The following PGPEP1L variants were observed in gnomAD, a reference collection of about 807,000 sequenced individuals.
PGPEP1L encodes pyroglutamyl-peptidase 1-like protein.
In PGPEP1L, 7 loss-of-function variants were observed where a neutral mutation model predicts 6.0. The ratio of observed to expected loss-of-function variants is 1.17; its 90% confidence interval spans 0.66 to 2.19. The LOEUF (loss-of-function observed/expected upper bound fraction) is 2.19, where lower values mean the gene tolerates loss of function less well. Ranked by LOEUF, PGPEP1L falls within the 30% of genes most tolerant of loss-of-function variation. PGPEP1L has a pLI of 0.00. For missense variants in PGPEP1L, 209 were observed against 192.5 expected (o/e 1.09, Z -0.51); for synonymous variants, 103 against 83.9 (o/e 1.23, Z -1.24).
intron 1 of PGPEP1L, among the ~76,000 whole-genome samples, 196 bp downstream of exon 1, chr15:99,007,163 G>T (rs1206784842): frequency 6.6e-6 from 1 of 152,200 alleles, no homozygotes; most frequent in East Asian, 1.9e-4. Context: ...GGTGGGAAGC[G>T]CCATTTGCTC....
At chr15:98,985,735 C>A (rs2017738113) in intron 2 of PGPEP1L, among the ~76,000 whole-genome samples, 1 of 152,222 alleles carries the variant, frequency 6.6e-6, no homozygotes, top group African/African-American at 2.4e-5. Flanking sequence ...AGATGTGCAA[C>A]CTCTCTGAGC....
At chr15:98,977,848 C>T (rs759233276) in intron 2 of PGPEP1L, among the ~76,000 whole-genome samples, 6 of 152,226 alleles carry the variant, frequency 3.9e-5, no homozygotes, top group Non-Finnish European at 8.8e-5. Context: ...TTTACAAGCA[C>T]TGTTATTAGG....
Position 98,969,429 on chromosome 15 carries a change from C to T in PGPEP1L, c.205G>A (p.Gly69Ser). Residue 69 changes from glycine to serine, a missense_variant, in exon 4 of 5, where the codon GGC becomes AGC. Coordinates refer to ENST00000535714, the MANE Select transcript of PGPEP1L (RefSeq NM_001167902.2). ...GVDVIFSRDAGRYVCDYTYYL... is the reference protein window; with the variant it reads ...GVDVIFSRDASRYVCDYTYYL... ...CCTGACACCCACAGAGCATACCTGC[C>T]TGCATCTCGGGAAAAGATCACGTCG... The T allele has an allele frequency of 6.2e-7, 1 of 1,614,000 alleles. No individual in the cohort carries two copies. The highest frequency in any genetic ancestry group is 8.5e-7 in the Non-Finnish European group (1 of 1,179,906).
intron 2 of PGPEP1L, among the ~76,000 whole-genome samples, chr15:98,981,773 T>C (rs2017667328): frequency 6.6e-6 from 1 of 152,178 alleles, no homozygotes; most frequent in South Asian, 2.1e-4. Flanking sequence ...GAGGAATATA[T>C]ATTCTGTGCT....
intron 2 of PGPEP1L, among the ~76,000 whole-genome samples, chr15:99,002,065 G>A (rs534431408): frequency 2.0e-5 from 3 of 152,254 alleles, no homozygotes; most frequent in African/African-American, 7.2e-5. Flanking sequence ...AGGCTGGAGT[G>A]TAGTACCACG....
intron 2 of PGPEP1L, among the ~76,000 whole-genome samples, chr15:98,977,611 G>C (rs901948558): frequency 6.6e-6 from 1 of 152,204 alleles, no homozygotes; most frequent in Non-Finnish European, 1.5e-5. Flanking sequence ...TATAGTCTCT[G>C]TCTTGGCAAA....
At chr15:98,989,776 G>A (rs149558467) in intron 2 of PGPEP1L, among the ~76,000 whole-genome samples, 2 of 152,266 alleles carry the variant, frequency 1.3e-5, no homozygotes, top group South Asian at 2.1e-4. Flanking sequence ...GACTAATAGC[G>A]AATCTCTCAG....
chr15:99,005,363 G>A (rs1555473486), intron 2 of PGPEP1L, 66 bp downstream of exon 2: 2 of 152,560 alleles, frequency 1.3e-5, no homozygotes, highest in Non-Finnish European at 1.5e-5. Context: ...GATCAGGCCA[G>A]TGCGCATTCC....
At chr15:98,999,907 G>T (rs114811051) in intron 2 of PGPEP1L, among the ~76,000 whole-genome samples, 19 of 152,356 alleles carry the variant, frequency 1.2e-4, no homozygotes, top group Admixed American at 3.3e-4. Context: ...CAGCCCTTGC[G>T]CACTCTCAGC....
chr15:99,001,697 T>TAC (rs2017972908), intron 2 of PGPEP1L, among the ~76,000 whole-genome samples: 1 of 19,600 alleles, frequency 5.1e-5, no homozygotes, highest in Non-Finnish European at 1.3e-4. Flanking sequence ...TGATTTCATT[T>TAC]ATATATTTGT....
intron 2 of PGPEP1L, among the ~76,000 whole-genome samples, chr15:98,972,674 C>T (rs368980314): frequency 1.1e-4 from 17 of 151,856 alleles, no homozygotes; most frequent in African/African-American, 3.6e-4. Flanking sequence ...CAAGACCATC[C>T]TGGCTAACAC....
At chr15:98,979,816 A>G (rs6598559) in intron 2 of PGPEP1L, among the ~76,000 whole-genome samples, 3,881 of 151,936 alleles carry the variant, frequency 0.026, 180 homozygotes, top group African/African-American at 0.087. Context: ...CACCCGGCTA[A>G]TTTTTGTATT....
At chr15:98,984,198 GAC>G (rs2017712288) in intron 2 of PGPEP1L, among the ~76,000 whole-genome samples, 2 of 152,012 alleles carry the variant, frequency 1.3e-5, no homozygotes, top group African/African-American at 2.4e-5. Context: ...TTTTAGCAGA[GAC>G]AGAGTTTCAC....
chr15:98,972,251 G>A (rs2017507035), intron 2 of PGPEP1L, among the ~76,000 whole-genome samples: 2 of 152,134 alleles, frequency 1.3e-5, no homozygotes, highest in Non-Finnish European at 1.5e-5. Context: ...TACTTGGGAT[G>A]CTAAGGCAGG....
chr15:98,991,300 C>T (rs1173921555), intron 2 of PGPEP1L, among the ~76,000 whole-genome samples: 3 of 152,118 alleles, frequency 2.0e-5, no homozygotes, highest in African/African-American at 4.8e-5. Flanking sequence ...CACAGAAATA[C>T]GAACTACCAT....
chr15:99,003,684 G>C (rs573957548), intron 2 of PGPEP1L, among the ~76,000 whole-genome samples: 2 of 149,312 alleles, frequency 1.3e-5, no homozygotes. Context: ...ACACAGGAAG[G>C]CCACGCTCTG....
chr15:98,969,730 TCCTTTTGAGAG>T lies in PGPEP1L; in HGVS notation c.-18-90_-18-80del, dbSNP rs1430306829. ...TCACCAAATGTGCAGAAGGGGCCAC[TCCTTTTGAGAG>T]CCCGGCTCTGTGCAAAACATCTCAA... On this transcript the variant is annotated intron_variant, in intron 3 of 4. Transcript: ENST00000535714. 3.5e-5 allele frequency: 50 copies of T among 1,440,632 alleles called. No individual in the cohort carries two copies. In the South Asian group the frequency reaches 5.1e-4, roughly 15 times the overall value. The allele number at this position is 1,440,632 out of a possible 1,614,324, so 89.2% of individuals were successfully genotyped here.
rs1358585637 is a variant in PGPEP1L, at chr15:98,979,476, A to G, written c.-141-8318T>C. Among the ~76,000 whole-genome samples, 3 of 152,154 alleles carry G rather than the reference A, an allele frequency of 2.0e-5. No homozygotes were observed. In the South Asian group the frequency reaches 6.2e-4, roughly 32 times the overall value. ...GTGGTTATTTAATAAGTGCCCAACA[A>G]TTTGCAATTGCAGAAATGTGAAACC... On this transcript the variant is annotated intron_variant, in intron 2 of 4. Transcript: ENST00000535714.
intron 2 of PGPEP1L, among the ~76,000 whole-genome samples, chr15:99,000,105 T>G (rs1481022063): frequency 6.6e-6 from 1 of 152,220 alleles, no homozygotes. Flanking sequence ...CAGCGCGAAT[T>G]CCGGGTGGGC....
Sources: gnomAD v4.1 joint callset for allele counts (sites outside exome capture counted in the v4.1 genomes callset) on GRCh38, gnomAD v4.1.1 for gene constraint, MANE v1.5 for transcripts, NCBI Gene and HGNC (gene_info 2026-07-23, HGNC 2026-07-21) for gene names.